SNX29: variants seen among roughly 807,000 people sequenced by gnomAD.
SNX29 encodes the protein sorting nexin-29.
Under a neutral mutation model 102.1 loss-of-function variants are expected in SNX29, and 78 were observed. That is an observed-to-expected ratio of 0.76 (90% CI 0.64 to 0.92). The LOEUF (loss-of-function observed/expected upper bound fraction) is 0.92, where lower values mean the gene tolerates loss of function less well. Ranked by LOEUF, SNX29 falls within the 40% of genes least tolerant of loss-of-function variation. SNX29 has a pLI of 0.00. For synonymous variants in SNX29, 580 were observed against 414.5 expected, an observed-to-expected ratio of 1.40 and a Z score of -4.85; for missense variants, 1,280 against 1,061.7, an observed-to-expected ratio of 1.21 and a Z score of -2.86.
chr16:12,452,265 A>G (rs907147100), intron 18 of SNX29, among the ~76,000 whole-genome samples: 12 of 121,926 alleles, frequency 9.8e-5, no homozygotes, highest in Non-Finnish European at 1.9e-4. Flanking sequence ...AATGCCTGAA[A>G]GCATTTTTTA....
At chr16:12,136,270 G>T (rs924733791) in intron 13 of SNX29, among the ~76,000 whole-genome samples, 1 of 152,192 alleles carries the variant, frequency 6.6e-6, no homozygotes, top group South Asian at 2.1e-4. Flanking sequence ...CCTTCCTCCC[G>T]TGCAGTGGCA....
chr16:12,156,779 C>T (rs764327139), intron 13 of SNX29, among the ~76,000 whole-genome samples: 1 of 152,200 alleles, frequency 6.6e-6, no homozygotes, highest in African/African-American at 2.4e-5. Flanking sequence ...GTTTATCCAA[C>T]GTCAGGAGAA....
intron 14 of SNX29, among the ~76,000 whole-genome samples, chr16:12,238,966 C>T (rs1348115438): frequency 3.3e-5 from 5 of 152,172 alleles, no homozygotes; most frequent in Non-Finnish European, 5.9e-5. Context: ...CAGGAGAAAA[C>T]AGGAAGGCCA....
At chr16:12,253,367 A>G (rs555597434) in intron 14 of SNX29, among the ~76,000 whole-genome samples, 1 of 152,344 alleles carries the variant, frequency 6.6e-6, no homozygotes, top group Admixed American at 6.5e-5. Context: ...GTTGCATTCT[A>G]GTTAGGGGGA....
intron 18 of SNX29, among the ~76,000 whole-genome samples, chr16:12,454,935 A>T (rs1358373681): frequency 1.3e-5 from 2 of 152,022 alleles, no homozygotes; most frequent in Admixed American, 1.3e-4. Flanking sequence ...TTTAGCAGAG[A>T]TGGGGTTTCA....
At chr16:12,288,925 C>T (rs370844964) in intron 15 of SNX29, among the ~76,000 whole-genome samples, 56 of 152,306 alleles carry the variant, frequency 3.7e-4, no homozygotes, top group African/African-American at 1.1e-3. Context: ...CTCTTCCCAT[C>T]GCCCTCTGTG....
intron 20 of SNX29, among the ~76,000 whole-genome samples, chr16:12,543,583 C>T (rs1409318994): frequency 6.6e-6 from 1 of 152,212 alleles, no homozygotes; most frequent in Non-Finnish European, 1.5e-5. Flanking sequence ...TTCCGTGGTG[C>T]GTCCCAGTTC....
intron 15 of SNX29, 111 bp downstream of exon 15, chr16:12,278,147 C>G (rs2079314612): frequency 1.2e-6 from 1 of 824,790 alleles, no homozygotes; most frequent in Non-Finnish European, 2.0e-6. Context: ...GACCAAGCAA[C>G]TCCTCAGCCC....
intron 14 of SNX29, among the ~76,000 whole-genome samples, chr16:12,202,324 T>C (rs1344816857): frequency 6.6e-6 from 1 of 152,184 alleles, no homozygotes; most frequent in Non-Finnish European, 1.5e-5. Context: ...CATTATCTAA[T>C]GGAAAGTTTT....
intron 20 of SNX29, among the ~76,000 whole-genome samples, chr16:12,553,847 A>G (rs933778290): frequency 6.6e-6 from 1 of 151,894 alleles, no homozygotes; most frequent in African/African-American, 2.4e-5. Flanking sequence ...AGGTCTACCG[A>G]AAGTGCTGGG....
intron 20 of SNX29, among the ~76,000 whole-genome samples, chr16:12,528,185 T>C (rs1446136326): frequency 1.3e-5 from 2 of 151,604 alleles, no homozygotes; most frequent in East Asian, 1.9e-4. Flanking sequence ...AGGTGTCAGA[T>C]AAAAAAATCC....
At chr16:12,294,563 G>T (rs566271098) in intron 15 of SNX29, among the ~76,000 whole-genome samples, 46 of 152,180 alleles carry the variant, frequency 3.0e-4, no homozygotes, top group Non-Finnish European at 5.9e-4. Flanking sequence ...CTGGATGGCT[G>T]TGGGCTCATG....
chr16:12,207,181 C>G (rs1021913628), intron 14 of SNX29, among the ~76,000 whole-genome samples: 8 of 151,986 alleles, frequency 5.3e-5, no homozygotes, highest in Non-Finnish European at 8.8e-5. Flanking sequence ...CCAGCCAGAC[C>G]AACATGGTGA....
intron 19 of SNX29, among the ~76,000 whole-genome samples, chr16:12,489,412 C>T (rs1009316224): frequency 2.0e-5 from 3 of 152,188 alleles, no homozygotes; most frequent in African/African-American, 7.2e-5. Flanking sequence ...TCTGCAGTGT[C>T]ATGGGCCACT....
At chr16:12,515,860 C>T (rs182907806) in intron 19 of SNX29, among the ~76,000 whole-genome samples, 22 of 152,178 alleles carry the variant, frequency 1.4e-4, no homozygotes, top group African/African-American at 5.1e-4. Context: ...CAGTAACCAG[C>T]CTGGGCGTAA....
intron 16 of SNX29, chr16:12,372,626 C>T (rs957024133): frequency 1.3e-5 from 2 of 152,122 alleles, no homozygotes; most frequent in African/African-American, 4.8e-5. Flanking sequence ...AAATAGAATT[C>T]TGTAGGTATC....
At chr16:12,315,118 C>T (rs2080688923) in intron 15 of SNX29, among the ~76,000 whole-genome samples, 1 of 152,178 alleles carries the variant, frequency 6.6e-6, no homozygotes, top group Admixed American at 6.5e-5. Context: ...TGGGAGGCCT[C>T]ACTGTCTCCT....
chr16:12,410,298 T>G (rs551056470), intron 18 of SNX29, among the ~76,000 whole-genome samples: 3 of 151,544 alleles, frequency 2.0e-5, no homozygotes, highest in East Asian at 2.0e-4. Flanking sequence ...CTGGCCGCGT[T>G]TTTTTCTTCT....
At chr16:12,084,476 C>T (rs1266032573) in intron 11 of SNX29, among the ~76,000 whole-genome samples, 2 of 152,202 alleles carry the variant, frequency 1.3e-5, no homozygotes, top group Admixed American at 1.3e-4. Context: ...CATAATTCTG[C>T]CTCAGGGATG....
Sources: gnomAD v4.1 joint callset for allele counts (sites outside exome capture counted in the v4.1 genomes callset) on GRCh38, gnomAD v4.1.1 for gene constraint, MANE v1.5 for transcripts, NCBI Gene and HGNC (gene_info 2026-07-23, HGNC 2026-07-21) for gene names.